The following PCDHGA4 variants were observed in gnomAD, a reference collection of about 807,000 sequenced individuals.
PCDHGA4 encodes the protein protocadherin gamma subfamily A, 4.
A neutral mutation model predicts 54.6 loss-of-function variants in PCDHGA4; 38 were observed. The ratio of observed to expected loss-of-function variants is 0.70; its 90% CI spans 0.54 to 0.91. The LOEUF (loss-of-function observed/expected upper bound fraction) is 0.91. PCDHGA4 is among the 40% of genes least tolerant of loss of function. PCDHGA4 has a pLI of 0.00. For synonymous variants in PCDHGA4, 511 were observed against 512.9 expected, an observed-to-expected ratio of 1.00 and a Z score of 0.05; for missense variants, 1,298 against 1,220.9, an observed-to-expected ratio of 1.06 and a Z score of -0.94.
In PCDHGA4 at chr5:141,430,383, GAA is replaced by G. The variant is rs139772145; in HGVS notation, c.2515-64412_2515-64411del. Among the ~76,000 whole-genome samples the G allele has an allele frequency of 1.3e-3, 180 of 138,574 alleles. 1 individual carries two copies. Among genetic ancestry groups the G allele is most frequent in the African/African-American group, 4.5e-3 (169 of 37,858 alleles). 90.9% of individuals were successfully genotyped at this position (138,574 alleles called of 152,430 possible). A position where few individuals can be genotyped will look rare whatever the true frequency, so the allele number is the denominator to read the frequency against. On this transcript the variant is annotated intron_variant, in intron 1 of 3. Coordinates refer to ENST00000571252, the MANE Select transcript of PCDHGA4 (RefSeq NM_018917.4). ...CATTGGGGAAAAAAAAGCTCATTGG[GAA>G]AAAAAAAAAAAGCTCACTAAAGTTT...
At chr5:141,400,681 T>C in intron 1 of PCDHGA4, 1 of 834,118 alleles carries the variant, frequency 1.2e-6, no homozygotes, top group Non-Finnish European at 1.9e-6. Flanking sequence ...CAGTAAATTG[T>C]GAGTTTTTAT....
At position 141,476,580 on chromosome 5, in the gene PCDHGA4, C is replaced by T. The variant is rs1463314107; in HGVS notation, c.2515-18227C>T. 6 of 1,614,126 alleles carry T rather than the reference C, an allele frequency of 3.7e-6. No homozygotes were observed. Among genetic ancestry groups the T allele is most frequent in the Non-Finnish European group, 5.1e-6 (6 of 1,180,052 alleles). The stretch of plus-strand genomic sequence containing the variant: ...GCCGTGGCTCCGGGGACGCGCTTTC[C>T]GCTCGAGAGCGCGCACGATCCCGAT... On this transcript the variant is annotated intron_variant, in intron 1 of 3. Transcript: ENST00000571252. This position sits in a 1 kb window ranked among gnomAD's most constrained non-coding sequence, Gnocchi z 7.6.
chr5:141,494,936 G>C, intron 2 of PCDHGA4, 71 bp downstream of exon 2: 1 of 1,612,574 alleles, frequency 6.2e-7, no homozygotes, highest in South Asian at 1.1e-5. Flanking sequence ...GGAGGAGATG[G>C]GGGAGGGCCC....
intron 1 of PCDHGA4, chr5:141,428,105 G>A: frequency 1.9e-6 from 3 of 1,608,184 alleles, no homozygotes; most frequent in Admixed American, 1.7e-5. Flanking sequence ...ACCACGTGCT[G>A]CAGGCCATCG....
At chr5:141,362,873 A>G (rs1482910489) in intron 1 of PCDHGA4, among the ~76,000 whole-genome samples, 3 of 152,176 alleles carry the variant, frequency 2.0e-5, no homozygotes, top group Non-Finnish European at 4.4e-5. Context: ...GCTCTTTGTT[A>G]TTCAAATTTT....
intron 1 of PCDHGA4, chr5:141,382,766 G>C (rs1015953757): frequency 5.7e-6 from 4 of 705,490 alleles, no homozygotes; most frequent in Admixed American, 2.7e-5. Flanking sequence ...CCTCTTCCAG[G>C]CTGCACTAAA....
intron 1 of PCDHGA4, among the ~76,000 whole-genome samples, chr5:141,368,562 A>G (rs1765727979): frequency 6.6e-6 from 1 of 152,144 alleles, no homozygotes; most frequent in African/African-American, 2.4e-5. Flanking sequence ...AGAAAATGTT[A>G]TATGCTTCTT....
intron 1 of PCDHGA4, chr5:141,417,942 C>T (rs1324501154): frequency 2.5e-6 from 4 of 1,613,090 alleles, no homozygotes; most frequent in South Asian, 1.1e-5. Context: ...TTCTACCCCA[C>T]GCTGTGTGAG....
chr5:141,415,906 A>G, intron 1 of PCDHGA4: 1 of 784,990 alleles, frequency 1.3e-6, no homozygotes, highest in Non-Finnish European at 1.8e-6. Context: ...ACAGACTTCC[A>G]TACAGAAGTG....
chr5:141,393,712 A>G, intron 1 of PCDHGA4: 1 of 1,613,874 alleles, frequency 6.2e-7, no homozygotes, highest in Non-Finnish European at 8.5e-7. Flanking sequence ...AATACTGGGG[A>G]AATATCAATA....
chr5:141,361,814 C>T, intron 1 of PCDHGA4: 1 of 1,613,112 alleles, frequency 6.2e-7, no homozygotes, highest in Non-Finnish European at 8.5e-7. Flanking sequence ...GACAATGCGC[C>T]ACGGGTGCTG....
At chr5:141,419,656 G>A (rs1374057056) in intron 1 of PCDHGA4, 15 of 1,612,528 alleles carry the variant, frequency 9.3e-6, no homozygotes, top group Non-Finnish European at 8.5e-6. Context: ...CGGACTCGGG[G>A]CACAATGCCT....
chr5:141,361,472 A>G (rs1480148367), intron 1 of PCDHGA4: 2 of 1,613,906 alleles, frequency 1.2e-6, no homozygotes, highest in Admixed American at 1.7e-5. Context: ...TCCGACGTCA[A>G]CGATAATGCC....
At chr5:141,371,758 C>T (rs2149991096) in intron 1 of PCDHGA4, 2 of 1,614,030 alleles carry the variant, frequency 1.2e-6, no homozygotes, top group Non-Finnish European at 8.5e-7. Flanking sequence ...TTCCACCAGG[C>T]CTCCTACACC....
At chr5:141,403,444 G>A (rs2094408321) in intron 1 of PCDHGA4, 1 of 1,613,906 alleles carries the variant, frequency 6.2e-7, no homozygotes, top group African/African-American at 1.3e-5. Flanking sequence ...ATGTTGGCGT[G>A]AACTCCCTCC....
intron 1 of PCDHGA4, among the ~76,000 whole-genome samples, chr5:141,435,698 A>G (rs954167256): frequency 1.3e-5 from 2 of 152,184 alleles, no homozygotes; most frequent in African/African-American, 4.8e-5. Context: ...CTTATTGTAG[A>G]GTGGTTACAG....
chr5:141,465,918 C>T lies in PCDHGA4; in HGVS notation c.2515-28889C>T, dbSNP rs34980831. On this transcript the variant is annotated intron_variant, in intron 1 of 3. Transcript: ENST00000571252. ...CGGGCAAATCACGAGGTCAGGATTT[C>T]GAGTCCATCCTGGCTAACATGGTGA... 2.0e-3 allele frequency among the ~76,000 whole-genome samples: 307 copies of T among 152,144 alleles called. 1 individual carries two copies. Among genetic ancestry groups the T allele is most frequent in the Middle Eastern group, 0.01 (3 of 294 alleles).
chr5:141,428,387 G>A, intron 1 of PCDHGA4: 1 of 505,948 alleles, frequency 2.0e-6, no homozygotes, highest in South Asian at 2.0e-5. Context: ...TGCTCTTCCA[G>A]CCCCTCTGCC....
chr5:141,375,822 G>T, intron 1 of PCDHGA4: 6 of 1,614,140 alleles, frequency 3.7e-6, no homozygotes, highest in Non-Finnish European at 5.1e-6. Flanking sequence ...CTGGCGCCCC[G>T]CTCCGCAGAG....
Sources: allele counts gnomAD v4.1 joint callset (sites outside exome capture counted in the v4.1 genomes callset), GRCh38; gene constraint gnomAD v4.1.1; non-coding constraint Gnocchi (gnomAD v3.1); transcripts MANE v1.5; gene names NCBI Gene and HGNC (gene_info 2026-07-23, HGNC 2026-07-21).